The following DPYD variants were observed in gnomAD, a reference collection of about 807,000 sequenced individuals.
DPYD encodes dihydropyrimidine dehydrogenase [NADP(+)].
Under a neutral mutation model 116.2 loss-of-function variants are expected in DPYD, and 109 were observed. The ratio of observed to expected loss-of-function variants is 0.94; its 90% CI spans 0.80 to 1.10. The LOEUF is 1.10. Among genes scored for constraint, DPYD ranks in the 50% least tolerant of loss-of-function variants. DPYD has a pLI of 0.00. For synonymous variants in DPYD, 440 were observed against 432.0 expected (o/e 1.02, Z -0.23); for missense variants, 1,302 against 1,254.5 (o/e 1.04, Z -0.57).
intron 5 of DPYD, among the ~76,000 whole-genome samples, chr1:97,706,619 A>G (rs1167248817): frequency 6.6e-6 from 1 of 152,042 alleles, no homozygotes; most frequent in Middle Eastern, 3.2e-3. Context: ...CATACAATAT[A>G]CAGCCTTTTC....
chr1:97,840,195 A>C (rs1488443175), intron 2 of DPYD, among the ~76,000 whole-genome samples: 3 of 152,140 alleles, frequency 2.0e-5, no homozygotes, highest in African/African-American at 7.2e-5. Flanking sequence ...ATAAATCAGG[A>C]GACAACAATA....
At chr1:97,102,853 G>A (rs535171470) in intron 20 of DPYD, among the ~76,000 whole-genome samples, 15 of 151,972 alleles carry the variant, frequency 9.9e-5, no homozygotes, top group Admixed American at 7.2e-4. Flanking sequence ...GTTATCTCAA[G>A]GAATAATATG....
intron 18 of DPYD, among the ~76,000 whole-genome samples, chr1:97,274,294 G>A (rs576798621): frequency 3.3e-5 from 5 of 152,092 alleles, no homozygotes; most frequent in African/African-American, 1.2e-4. Flanking sequence ...CTCATGAAGG[G>A]TGTGGTACCA....
chr1:97,216,676 TCCCACCTACTCAGAAGA>T (rs1026169484), intron 19 of DPYD, among the ~76,000 whole-genome samples: 2 of 151,754 alleles, frequency 1.3e-5, no homozygotes, highest in African/African-American at 4.8e-5. Context: ...GCACCTGTAG[TCCCACCTACTCAGAAGA>T]CTGAGGCAGG....
At chr1:97,902,525 T>A (rs1235613060) in intron 1 of DPYD, among the ~76,000 whole-genome samples, 1 of 151,838 alleles carries the variant, frequency 6.6e-6, no homozygotes, top group African/African-American at 2.4e-5. Context: ...TGCCCACATG[T>A]CAAGTAATTC....
intron 8 of DPYD, among the ~76,000 whole-genome samples, chr1:97,630,468 C>T (rs993188305): frequency 6.6e-6 from 1 of 152,076 alleles, no homozygotes; most frequent in South Asian, 2.1e-4. Flanking sequence ...CTGCTCCTTC[C>T]TCTGAGCACT....
At chr1:97,867,290 C>T (rs530050225) in intron 2 of DPYD, among the ~76,000 whole-genome samples, 22 of 151,860 alleles carry the variant, frequency 1.4e-4, no homozygotes, top group East Asian at 5.8e-4. Context: ...CATAACCAAC[C>T]GTTCAGTCTG....
chr1:97,134,059 A>T (rs1158648092), intron 20 of DPYD, among the ~76,000 whole-genome samples: 2 of 112,732 alleles, frequency 1.8e-5, no homozygotes, highest in East Asian at 2.9e-4. Context: ...ATATATATAT[A>T]TATATATATT....
At chr1:97,531,867 A>T (rs1323588782) in intron 12 of DPYD, among the ~76,000 whole-genome samples, 1 of 152,008 alleles carries the variant, frequency 6.6e-6, no homozygotes, top group African/African-American at 2.4e-5. Flanking sequence ...TAAGTACTTT[A>T]TTCTTTCTGG....
intron 13 of DPYD, among the ~76,000 whole-genome samples, chr1:97,453,454 T>C (rs765944278): frequency 1.1e-4 from 16 of 152,044 alleles, no homozygotes; most frequent in Non-Finnish European, 2.1e-4. Flanking sequence ...TATCATAGAA[T>C]ATAAAAGACA....
chr1:97,451,715 G>T (rs1412053914), intron 13 of DPYD, among the ~76,000 whole-genome samples: 2 of 152,050 alleles, frequency 1.3e-5, no homozygotes, highest in African/African-American at 4.8e-5. Context: ...CCTACAGGTG[G>T]CTCTGTGAAG....
Position 97,687,233 on chromosome 1 carries a change from T to C in DPYD, c.762+4484A>G, listed in dbSNP as rs187251182. Among the ~76,000 whole-genome samples, 32 of 152,270 alleles carry C rather than the reference T, an allele frequency of 2.1e-4. No individual in the cohort carries two copies. The East Asian group carries it at 5.6e-3, about 27-fold the overall frequency. On this transcript the variant is annotated intron_variant, in intron 7 of 22. Transcript: ENST00000370192. ...TTGAAGTGAGCCAAGATAGTGCCACTGCACTCCAGCCTGGGTAACAGAGCT... is the reference window on the plus strand; with the variant it reads ...TTGAAGTGAGCCAAGATAGTGCCACCGCACTCCAGCCTGGGTAACAGAGCT...
In DPYD at chr1:97,174,593, G is replaced by A. The variant is rs193298802; in HGVS notation, c.2622+18476C>T. ...TAGGTACCAGCTATTCTTTTCCAGT[G>A]GTTAACTTCATAAGGTTTTTAGTTC... On this transcript the variant is annotated intron_variant, in intron 20 of 22. Coordinates refer to ENST00000370192, the MANE Select transcript of DPYD (RefSeq NM_000110.4). Among the ~76,000 whole-genome samples, 403 of 152,154 alleles carry A rather than the reference G, an allele frequency of 2.6e-3. 1 individual carries two copies. Among genetic ancestry groups the A allele is most frequent in the Non-Finnish European group, 4.7e-3 (317 of 68,004 alleles).
At chr1:97,634,192 G>C (rs1426269495) in intron 8 of DPYD, among the ~76,000 whole-genome samples, 2 of 152,058 alleles carry the variant, frequency 1.3e-5, no homozygotes, top group African/African-American at 2.4e-5. Flanking sequence ...TGAGGAGAGA[G>C]AAGAAAGTAA....
At chr1:97,474,527 A>G (rs569500944) in intron 13 of DPYD, among the ~76,000 whole-genome samples, 6 of 152,032 alleles carry the variant, frequency 3.9e-5, no homozygotes, top group African/African-American at 7.2e-5. Context: ...ACAGATTAAT[A>G]TTACTCCTAG....
chr1:97,884,869 TA>T (rs1672400880), intron 1 of DPYD, among the ~76,000 whole-genome samples: 1 of 152,046 alleles, frequency 6.6e-6, no homozygotes, highest in Non-Finnish European at 1.5e-5. Context: ...TCAAAAATCA[TA>T]AATATAATTT....
chr1:97,635,369 A>G (rs1409422066), intron 8 of DPYD, among the ~76,000 whole-genome samples: 2 of 152,100 alleles, frequency 1.3e-5, no homozygotes, highest in Admixed American at 6.6e-5. Context: ...ACGTGTCTAC[A>G]TACCAAGAGC....
Position 97,476,750 on chromosome 1 carries a change from T to TTA in DPYD, c.1741-26529_1741-26528dup, listed in dbSNP as rs1485372513. Among the ~76,000 whole-genome samples the TTA allele has an allele frequency of 4.6e-5, 7 of 152,054 alleles. No homozygotes were observed. In the East Asian group the frequency reaches 1.4e-3, roughly 29 times the overall value. ...ACAAAAATACTAAAAAAAAAACAGC[T>TTA]TATATGTCAACTACAGGCACACCTA... On this transcript the variant is annotated intron_variant, in intron 13 of 22. Transcript: ENST00000370192.
chr1:97,830,763 TAGTAGCCACACTG>T (rs1313113746), intron 2 of DPYD, among the ~76,000 whole-genome samples: 1 of 151,036 alleles, frequency 6.6e-6, no homozygotes, highest in East Asian at 1.9e-4. Context: ...TGAGAGACTG[TAGTAGCCACACTG>T]AGTAGCCACA....
Sources: gnomAD v4.1 joint callset for allele counts (sites outside exome capture counted in the v4.1 genomes callset) on GRCh38, gnomAD v4.1.1 for gene constraint, MANE v1.5 for transcripts, NCBI Gene and HGNC (gene_info 2026-07-23, HGNC 2026-07-21) for gene names.